Variants in TRIB2 observed in about 807,000 individuals in gnomAD.
TRIB2 encodes the protein tribbles homolog 2.
In TRIB2, 2 loss-of-function variants were observed where a neutral mutation model predicts 26.8. The observed-to-expected ratio is 0.07, with a 90% CI of 0.03 to 0.24. TRIB2 has a LOEUF of 0.24. TRIB2 is among the 10% of genes least tolerant of loss of function. The probability of loss-of-function intolerance (pLI) is 1.00; values close to 1 mark genes in which losing one functional copy is unlikely to be tolerated. For missense variants in TRIB2, 306 were observed against 449.0 expected (o/e 0.68, Z 2.88); for synonymous variants, 189 against 187.3 (o/e 1.01, Z -0.08).
chr2:12,731,554 G>A (rs1265447788), intron 2 of TRIB2, among the ~76,000 whole-genome samples: 29 of 152,194 alleles, frequency 1.9e-4, no homozygotes, highest in South Asian at 4.1e-4. Context: ...GCAACAAGTG[G>A]GGGTTTAAAC....
chr2:12,719,704 G>A (rs894170738), intron 1 of TRIB2, among the ~76,000 whole-genome samples: 3 of 151,716 alleles, frequency 2.0e-5, no homozygotes, highest in Non-Finnish European at 2.9e-5. Flanking sequence ...ACTACTTTGC[G>A]GACTTGCCTT....
In TRIB2 at chr2:12,718,655, G is replaced by A; in HGVS notation, c.270+78G>A. ...GAGGGCGCCAGGCCCTCGAGTCTGG[G>A]AGAGGGAGATTCGCGGGATAATTAC... On this transcript the variant is annotated intron_variant, in intron 1 of 2. Coordinates refer to ENST00000155926, the MANE Select transcript of TRIB2 (RefSeq NM_021643.4). This position sits in a 1 kb window ranked among gnomAD's most constrained non-coding sequence, Gnocchi z 4.0. 6.5e-7 allele frequency: 1 copy of A among 1,528,196 alleles called. No individual in the cohort carries two copies. The highest frequency in any genetic ancestry group is 8.9e-7 in the Non-Finnish European group (1 of 1,129,430). 94.7% of individuals were successfully genotyped at this position (1,528,196 alleles called of 1,614,324 possible). A position where few individuals can be genotyped will look rare whatever the true frequency, so the allele number is the denominator to read the frequency against.
chr2:12,723,698 T>G, intron 2 of TRIB2, 146 bp downstream of exon 2: 2 of 972,034 alleles, frequency 2.1e-6, no homozygotes, highest in South Asian at 3.5e-5. Context: ...GAAGTGAATA[T>G]TGCAATTTTC....
rs149152932 is a variant in TRIB2 at position 12,732,269 on chromosome 2, T to C, written c.564-8057T>C. Among the ~76,000 whole-genome samples the C allele has an allele frequency of 1.9e-3, 285 of 152,264 alleles. No individual in the cohort carries two copies. The Middle Eastern group carries it at 0.027, about 15-fold the overall frequency. Reference sequence around the variant, plus strand: ...AGGGATTCCGTCGTGGCCGGGTAGATGGCACTGCAGAAAACCCCTGAGTAT... The same window carrying C: ...AGGGATTCCGTCGTGGCCGGGTAGACGGCACTGCAGAAAACCCCTGAGTAT... On this transcript the variant is annotated intron_variant, in intron 2 of 2. Transcript: ENST00000155926. The surrounding 1 kb of genome is among the most constrained non-coding windows in gnomAD (Gnocchi z 4.2).
chr2:12,722,989 A>G (rs1203626205), intron 1 of TRIB2, among the ~76,000 whole-genome samples: 2 of 152,174 alleles, frequency 1.3e-5, no homozygotes, highest in Non-Finnish European at 2.9e-5. Flanking sequence ...GCAAAGCACT[A>G]TCACCTTCAT....
Position 12,732,276 on chromosome 2 carries a change from G to A in TRIB2, c.564-8050G>A, listed in dbSNP as rs1661474053. Among the ~76,000 whole-genome samples the A allele has an allele frequency of 6.6e-6, 1 of 152,160 alleles. No individual in the cohort carries two copies. The highest frequency in any genetic ancestry group is 2.4e-5 in the African/African-American group (1 of 41,428). On this transcript the variant is annotated intron_variant, in intron 2 of 2. Coordinates refer to ENST00000155926, the MANE Select transcript of TRIB2 (RefSeq NM_021643.4). The surrounding 1 kb of genome is among the most constrained non-coding windows in gnomAD (Gnocchi z 4.2). ...CCGTCGTGGCCGGGTAGATGGCACT[G>A]CAGAAAACCCCTGAGTATTTGAGTC...
At chr2:12,720,146 G>A (rs916787824) in intron 1 of TRIB2, among the ~76,000 whole-genome samples, 3 of 152,196 alleles carry the variant, frequency 2.0e-5, no homozygotes, top group Non-Finnish European at 4.4e-5. Context: ...TTCTGCAGGG[G>A]CATCTGGCTG....
Position 12,717,913 on chromosome 2 carries a change from T to G in TRIB2, c.-395T>G. 2 of 239,472 alleles carry G rather than the reference T, an allele frequency of 8.4e-6. No homozygotes were observed. The highest frequency in any genetic ancestry group is 2.2e-5 in the African/African-American group (1 of 44,622). 14.8% of individuals were successfully genotyped at this position (239,472 alleles called of 1,614,324 possible). On this transcript the variant is annotated 5_prime_UTR_variant, in exon 1 of 3. Transcript: ENST00000155926. This position sits in a 1 kb window ranked among gnomAD's most constrained non-coding sequence, Gnocchi z 4.8. ...GCGGGCTCCTCCGCCCCGTCTGCGA[T>G]TCGGAAGCCGGCCTGGGGGTCGCGT...
rs1164368472 is a variant in TRIB2, at chr2:12,742,082, C to T, written c.*1288C>T. 6.6e-6 allele frequency: 1 copy of T among 152,614 alleles called. No individual in the cohort carries two copies. The highest frequency in any genetic ancestry group is 1.5e-5 in the Non-Finnish European group (1 of 68,032). The allele number at this position is 152,614 out of a possible 1,614,324, so 9.5% of individuals were successfully genotyped here. ...CATGCTGTAGTTAACATTTATAATT[C>T]TTTTTCCTTGTTTGAGTATTTCTGT... On this transcript the variant is annotated 3_prime_UTR_variant, in exon 3 of 3. Coordinates refer to ENST00000155926, the MANE Select transcript of TRIB2 (RefSeq NM_021643.4).
chr2:12,738,357 C>A (rs1396778829), intron 2 of TRIB2, among the ~76,000 whole-genome samples: 1 of 151,998 alleles, frequency 6.6e-6, no homozygotes, highest in Non-Finnish European at 1.5e-5. Context: ...TTTTGCACTT[C>A]GGGGCAAACA....
Position 12,723,405 on chromosome 2 carries a change from C to T in TRIB2, c.416C>T (p.Ser139Phe), listed in dbSNP as rs1369454287. 3 of 1,614,218 alleles carry T rather than the reference C, an allele frequency of 1.9e-6. No homozygotes were observed. The highest frequency in any genetic ancestry group is 2.2e-5 in the East Asian group (1 of 44,880). The change falls in exon 2 of 3, where the codon TCC becomes TTC. Residue 139 changes from serine to phenylalanine, a missense_variant. Transcript: ENST00000155926. Reference sequence around the variant, plus strand: ...GAGCGAAGCTATGGGGACATGCATTCCTTCGTCCGCACCTGCAAGAAGCTG... The same window carrying T: ...GAGCGAAGCTATGGGGACATGCATTTCTTCGTCCGCACCTGCAAGAAGCTG... ...FFERSYGDMHSFVRTCKKLRE... is the reference protein window; with the variant it reads ...FFERSYGDMHFFVRTCKKLRE...
rs1267633049 is a variant in TRIB2, at chr2:12,723,246, T to TA, written c.271-12dup. The TA allele has an allele frequency of 6.8e-6, 11 of 1,606,832 alleles. No individual in the cohort carries two copies. Among genetic ancestry groups the TA allele is most frequent in the Non-Finnish European group, 9.3e-6 (11 of 1,177,716 alleles). ...GCACCTCTGACTTTGGTCTTACTGT[T>TA]AATCCTGTCGTAGGTGTTTGATATC... On this transcript the variant is annotated splice_polypyrimidine_tract_variant and intron_variant, in intron 1 of 2. Coordinates refer to ENST00000155926, the MANE Select transcript of TRIB2 (RefSeq NM_021643.4).
rs186300581 is a variant in TRIB2, at chr2:12,732,430, G to A, written c.564-7896G>A. 6.6e-6 allele frequency among the ~76,000 whole-genome samples: 1 copy of A among 152,256 alleles called. No individual in the cohort carries two copies. The highest frequency in any genetic ancestry group is 6.5e-5 in the Admixed American group (1 of 15,298). ...CTTCCAGATTGTGTGGTGTTGTAAG[G>A]TCACAAGAGGCATATTCTCTCCCTA... On this transcript the variant is annotated intron_variant, in intron 2 of 2. Coordinates refer to ENST00000155926, the MANE Select transcript of TRIB2 (RefSeq NM_021643.4). This position sits in a 1 kb window ranked among gnomAD's most constrained non-coding sequence, Gnocchi z 4.2.
chr2:12,719,734 T>C (rs1391043582), intron 1 of TRIB2, among the ~76,000 whole-genome samples: 1 of 152,070 alleles, frequency 6.6e-6, no homozygotes. Flanking sequence ...TGGACTGGAG[T>C]ATTTCATTGC....
intron 2 of TRIB2, among the ~76,000 whole-genome samples, chr2:12,738,020 G>T (rs1661621734): frequency 6.6e-6 from 1 of 152,110 alleles, no homozygotes; most frequent in Admixed American, 6.5e-5. Flanking sequence ...CACAACTATT[G>T]TTTGTTCGTT....
Position 12,723,358 on chromosome 2 carries a change from G to A in TRIB2, c.369G>A (p.Glu123=). 6.2e-7 allele frequency: 1 copy of A among 1,614,230 alleles called. No individual in the cohort carries two copies. The highest frequency in any genetic ancestry group is 8.5e-7 in the Non-Finnish European group (1 of 1,180,050). ...INQITEIILG[E]TKAYVFFERS... is the part of the protein sequence containing the mutation. The stretch of plus-strand genomic sequence containing the variant: ...AAATCACTGAAATTATCCTGGGTGA[G>A]ACCAAAGCCTATGTGTTCTTTGAGC... The change falls in exon 2 of 3, where the codon GAG becomes GAA. Residue 123 remains glutamate, a synonymous_variant. Transcript: ENST00000155926.
chr2:12,736,447 C>T (rs773450130), intron 2 of TRIB2, among the ~76,000 whole-genome samples: 3 of 147,030 alleles, frequency 2.0e-5, no homozygotes, highest in Admixed American at 6.8e-5. Flanking sequence ...CCCACCTTTA[C>T]TGACAGATGC....
At chr2:12,731,152 T>C (rs1661445055) in intron 2 of TRIB2, among the ~76,000 whole-genome samples, 1 of 152,196 alleles carries the variant, frequency 6.6e-6, no homozygotes, top group Non-Finnish European at 1.5e-5. Context: ...GTTCCAACAG[T>C]GGAGTACGGT....
chr2:12,732,161 T>C lies in TRIB2; in HGVS notation c.564-8165T>C, dbSNP rs549992456. Among the ~76,000 whole-genome samples, 1 of 152,126 alleles carries C rather than the reference T, an allele frequency of 6.6e-6. No homozygotes were observed. Among genetic ancestry groups the C allele is most frequent in the East Asian group, 1.9e-4 (1 of 5,160 alleles). ...TCTGCATGGGGGCGTGGGAAGGTGT[T>C]CGGGTACAATGAGACTCCCCTGTTC... On this transcript the variant is annotated intron_variant, in intron 2 of 2. Coordinates refer to ENST00000155926, the MANE Select transcript of TRIB2 (RefSeq NM_021643.4). This position sits in a 1 kb window ranked among gnomAD's most constrained non-coding sequence, Gnocchi z 4.2.
Sources: gnomAD v4.1 joint callset for allele counts (sites outside exome capture counted in the v4.1 genomes callset) on GRCh38, gnomAD v4.1.1 for gene constraint, Gnocchi (gnomAD v3.1) non-coding constraint, MANE v1.5 for transcripts, NCBI Gene and HGNC (gene_info 2026-07-23, HGNC 2026-07-21) for gene names.